Variants in NLGN1 observed in about 807,000 individuals in gnomAD.
The protein encoded by NLGN1 is neuroligin 1, also known as neuroligin-1.
In NLGN1, 12 loss-of-function variants were observed where a neutral mutation model predicts 65.5. That is an observed-to-expected ratio of 0.18 (90% CI 0.12 to 0.30). NLGN1 has a LOEUF of 0.30. Ranked by LOEUF, NLGN1 falls within the 10% of genes least tolerant of loss-of-function variation. The pLI, the probability that NLGN1 is intolerant of heterozygous loss-of-function variation, is 1.00. For synonymous variants in NLGN1, 350 were observed against 359.5 expected (o/e 0.97, Z 0.30); for missense variants, 750 against 1,007.1 (o/e 0.74, Z 3.46).
intron 3 of NLGN1, among the ~76,000 whole-genome samples, chr3:173,769,212 A>T (rs1163824004): frequency 1.3e-5 from 2 of 152,158 alleles, no homozygotes; most frequent in Non-Finnish European, 2.9e-5. Flanking sequence ...AGCTGTCAGA[A>T]TATCATATTT....
At chr3:174,254,306 ATTTTTTT>A (rs371427726) in intron 4 of NLGN1, among the ~76,000 whole-genome samples, 39 of 113,774 alleles carry the variant, frequency 3.4e-4, no homozygotes, top group East Asian at 9.5e-4. Flanking sequence ...GTCCTTTTTA[ATTTTTTT>A]TTTTTTTTTT....
At position 173,583,863 on chromosome 3, in the gene NLGN1, A is replaced by G. The variant is rs191266826; in HGVS notation, c.-320-20416A>G. ...ACTAAAAGTCCCAAATGAGTAAGAG[A>G]TTATCTAAGAATACACACACACACA... On this transcript the variant is annotated intron_variant, in intron 2 of 6. Transcript: ENST00000457714. 3.1e-4 allele frequency among the ~76,000 whole-genome samples: 47 copies of G among 152,284 alleles called. 1 individual carries two copies. The highest frequency in any genetic ancestry group is 2.9e-3 in the Admixed American group (45 of 15,292).
At chr3:174,228,087 AT>A (rs1740061014) in intron 4 of NLGN1, among the ~76,000 whole-genome samples, 2 of 151,518 alleles carry the variant, frequency 1.3e-5, no homozygotes, top group Non-Finnish European at 2.9e-5. Flanking sequence ...TTTTTTTTAC[AT>A]TGAAATTGTT....
At chr3:174,217,504 AG>A (rs1312281103) in intron 4 of NLGN1, among the ~76,000 whole-genome samples, 1 of 152,066 alleles carries the variant, frequency 6.6e-6, no homozygotes, top group Non-Finnish European at 1.5e-5. Context: ...GCCCTCTATC[AG>A]GTTGCAGACT....
intron 4 of NLGN1, among the ~76,000 whole-genome samples, chr3:173,978,160 A>G (rs990833819): frequency 1.3e-5 from 2 of 152,110 alleles, no homozygotes; most frequent in African/African-American, 4.8e-5. Flanking sequence ...GGGAATAGTA[A>G]TGTCTAGCAT....
chr3:174,264,720 T>C (rs1480138929), intron 4 of NLGN1, among the ~76,000 whole-genome samples: 1 of 152,034 alleles, frequency 6.6e-6, no homozygotes, highest in African/African-American at 2.4e-5. Context: ...GTTCCGTTGC[T>C]GGTGAGGAGC....
chr3:174,127,666 G>A (rs540561759), intron 4 of NLGN1, among the ~76,000 whole-genome samples: 1 of 152,000 alleles, frequency 6.6e-6, no homozygotes, highest in South Asian at 2.1e-4. Flanking sequence ...CTTCAAAAAA[G>A]GTACACGTAG....
chr3:174,171,611 A>G (rs1479827025), intron 4 of NLGN1, among the ~76,000 whole-genome samples: 1 of 152,202 alleles, frequency 6.6e-6, no homozygotes, highest in Non-Finnish European at 1.5e-5. Context: ...TGAGGCTGCT[A>G]ATAAAATTGG....
chr3:174,121,154 A>G (rs933565668), intron 4 of NLGN1, among the ~76,000 whole-genome samples: 2 of 152,266 alleles, frequency 1.3e-5, no homozygotes, highest in South Asian at 4.2e-4. Context: ...TAATACATTG[A>G]GAGTTCAGGC....
intron 4 of NLGN1, among the ~76,000 whole-genome samples, chr3:174,038,796 G>T (rs928122127): frequency 1.6e-4 from 24 of 152,124 alleles, no homozygotes; most frequent in African/African-American, 5.6e-4. Flanking sequence ...CTTCTTGACT[G>T]TCCAGGTGGC....
chr3:173,510,574 T>C (rs1176145575), intron 2 of NLGN1, among the ~76,000 whole-genome samples: 1 of 152,216 alleles, frequency 6.6e-6, no homozygotes, highest in Non-Finnish European at 1.5e-5. Context: ...GGAAATGTAT[T>C]AATTATCGTA....
At chr3:174,218,866 T>C (rs1410450144) in intron 4 of NLGN1, among the ~76,000 whole-genome samples, 1 of 152,086 alleles carries the variant, frequency 6.6e-6, no homozygotes, top group East Asian at 1.9e-4. Flanking sequence ...TTTGGGAGCA[T>C]GTCTTGAGTT....
At chr3:173,541,325 T>C (rs1211255647) in intron 2 of NLGN1, among the ~76,000 whole-genome samples, 1 of 152,284 alleles carries the variant, frequency 6.6e-6, no homozygotes, top group East Asian at 1.9e-4. Flanking sequence ...TGTGTCATTA[T>C]TGTAATAATA....
chr3:173,543,436 A>G (rs1739228063), intron 2 of NLGN1, among the ~76,000 whole-genome samples: 1 of 152,164 alleles, frequency 6.6e-6, no homozygotes, highest in Admixed American at 6.5e-5. Context: ...AAAGCAGTAC[A>G]TAAACTCCTG....
At chr3:173,794,968 C>CT (rs776182434) in intron 3 of NLGN1, among the ~76,000 whole-genome samples, 2 of 151,904 alleles carry the variant, frequency 1.3e-5, no homozygotes, top group Admixed American at 6.6e-5. Flanking sequence ...TAAGATTCTC[C>CT]TTTTTTTGTG....
chr3:174,194,406 A>G (rs6808082), intron 4 of NLGN1, among the ~76,000 whole-genome samples: 111,373 of 150,564 alleles, frequency 0.74, 41,297 homozygotes, highest in East Asian at 0.83. Flanking sequence ...CTGAGGTCGC[A>G]CCACTGAACT....
At chr3:173,507,800 A>C (rs16827327) in intron 2 of NLGN1, among the ~76,000 whole-genome samples, 3,845 of 152,262 alleles carry the variant, frequency 0.025, 126 homozygotes, top group African/African-American at 0.07. Flanking sequence ...AATACAAAAA[A>C]ATGCAAACAG....
intron 2 of NLGN1, among the ~76,000 whole-genome samples, chr3:173,486,849 A>G (rs563708773): frequency 6.7e-6 from 1 of 149,138 alleles, no homozygotes; most frequent in Non-Finnish European, 1.5e-5. Context: ...TTTCTAATAA[A>G]TTAATATTAT....
rs550971721 is a variant in NLGN1, at chr3:173,964,381, A to G, written c.646+156549A>G. ...TTATCTACTGCAACATGCAGCTGTT[A>G]TATTTGTGCATATTCAGGAAAGTGA... On this transcript the variant is annotated intron_variant, in intron 4 of 6. Coordinates refer to ENST00000457714, the Ensembl canonical transcript of NLGN1. Among the ~76,000 whole-genome samples the G allele has an allele frequency of 1.3e-4, 20 of 152,284 alleles. No homozygotes were observed. In the South Asian group the frequency reaches 3.9e-3, roughly 30 times the overall value.
Sources: gnomAD v4.1 joint callset for allele counts (sites outside exome capture counted in the v4.1 genomes callset) on GRCh38, gnomAD v4.1.1 for gene constraint, MANE v1.5 for transcripts, NCBI Gene and HGNC (gene_info 2026-07-23, HGNC 2026-07-21) for gene names.